PDE1A: variants seen among roughly 807,000 people sequenced by gnomAD.
The protein encoded by PDE1A is dual specificity calcium/calmodulin-dependent 3',5'-cyclic nucleotide phosphodiesterase 1A.
PDE1A carries 35 observed loss-of-function variants against 61.7 expected under a neutral mutation model. That is an observed-to-expected ratio of 0.57 (90% CI 0.43 to 0.75). PDE1A has a LOEUF of 0.75. PDE1A is among the 30% of genes least tolerant of loss of function. PDE1A has a pLI of 0.00. For synonymous variants in PDE1A, 232 were observed against 213.2 expected, an observed-to-expected ratio of 1.09 and a Z score of -0.77; for missense variants, 597 against 630.6, an observed-to-expected ratio of 0.95 and a Z score of 0.57.
chr2:182,377,064 C>T (rs1452421357), intron 1 of PDE1A, among the ~76,000 whole-genome samples: 3 of 152,118 alleles, frequency 2.0e-5, no homozygotes, highest in African/African-American at 7.2e-5. Flanking sequence ...TAGAGCCAAA[C>T]CATATCAACT....
At chr2:182,690,029 C>T in the PDE1A span, among the ~76,000 whole-genome samples, 1 of 152,076 alleles carries the variant, frequency 6.6e-6, no homozygotes, top group Non-Finnish European at 1.5e-5. Flanking sequence ...GAAATTGAGG[C>T]AATAATTAAC....
At chr2:182,168,737 CTG>C (rs1691842195) in intron 13 of PDE1A, among the ~76,000 whole-genome samples, 2 of 152,050 alleles carry the variant, frequency 1.3e-5, no homozygotes, top group Non-Finnish European at 2.9e-5. Context: ...GATATTCTAT[CTG>C]TGATTTATTT....
the PDE1A span, among the ~76,000 whole-genome samples, chr2:182,565,633 C>A: frequency 1.3e-5 from 2 of 152,132 alleles, no homozygotes; most frequent in African/African-American, 4.8e-5. Context: ...CTGGTTGAAC[C>A]ACTGGTGATG....
intron 8 of PDE1A, among the ~76,000 whole-genome samples, chr2:182,204,350 G>C (rs1574680719): frequency 6.6e-6 from 1 of 152,182 alleles, no homozygotes; most frequent in African/African-American, 2.4e-5. Context: ...TTTCTAGACT[G>C]TAAATCCTCT....
intron 1 of PDE1A, among the ~76,000 whole-genome samples, chr2:182,364,484 A>AAAAC (rs1287867921): frequency 1.4e-5 from 2 of 146,992 alleles, no homozygotes; most frequent in Non-Finnish European, 3.0e-5. Context: ...AAAAAAAAAA[A>AAAAC]AAAAAAAAAA....
At chr2:182,188,244 T>C (rs1362524810) in intron 11 of PDE1A, among the ~76,000 whole-genome samples, 1 of 152,100 alleles carries the variant, frequency 6.6e-6, no homozygotes, top group Middle Eastern at 3.2e-3. Context: ...AAAACAGCTG[T>C]TGAAACTTGG....
At chr2:182,161,007 C>A (rs780621682) in intron 13 of PDE1A, among the ~76,000 whole-genome samples, 1 of 152,170 alleles carries the variant, frequency 6.6e-6, no homozygotes, top group Non-Finnish European at 1.5e-5. Flanking sequence ...TCACCACTTT[C>A]AGGAGGTAAG....
the PDE1A span, among the ~76,000 whole-genome samples, chr2:182,535,553 T>C: frequency 6.6e-6 from 1 of 152,158 alleles, no homozygotes; most frequent in Non-Finnish European, 1.5e-5. Context: ...TTGAATTTAA[T>C]TTTTAGTTAA....
Position 182,168,293 on chromosome 2 carries a change from GA to G in PDE1A, c.1517-4del, listed in dbSNP as rs78156757. The G allele has an allele frequency of 0.22, 274,355 of 1,237,142 alleles. 9,951 individuals carry two copies. Among genetic ancestry groups the G allele is most frequent in the East Asian group, 0.35 (12,361 of 35,718 alleles). 76.6% of individuals were successfully genotyped at this position (1,237,142 alleles called of 1,614,324 possible). A position where few individuals can be genotyped will look rare whatever the true frequency, so the allele number is the denominator to read the frequency against. On this transcript the variant is annotated splice_polypyrimidine_tract_variant and splice_region_variant and intron_variant, in intron 13 of 13. Coordinates refer to ENST00000351439, the Ensembl canonical transcript of PDE1A. The stretch of plus-strand genomic sequence containing the variant: ...CTTCTGTGAACTGGTTCTTGCTTCT[GA>G]AAAAAAAAAAAGCGTACTTATTTTA...
chr2:182,432,188 T>C (rs1255548041), intron 2 of PDE1A, among the ~76,000 whole-genome samples: 1 of 152,098 alleles, frequency 6.6e-6, no homozygotes, highest in African/African-American at 2.4e-5. Flanking sequence ...TAAGATCCTT[T>C]CCAGCTCTAA....
At chr2:182,316,533 A>G (rs1469537785) in intron 1 of PDE1A, among the ~76,000 whole-genome samples, 2 of 152,226 alleles carry the variant, frequency 1.3e-5, no homozygotes, top group Non-Finnish European at 2.9e-5. Context: ...TCATAGTGTT[A>G]AGAATGAATT....
At chr2:182,454,208 C>T (rs1403044354) in intron 2 of PDE1A, among the ~76,000 whole-genome samples, 1 of 152,114 alleles carries the variant, frequency 6.6e-6, no homozygotes, top group Non-Finnish European at 1.5e-5. Flanking sequence ...ATCCAGCTTA[C>T]AAGGGATGTG....
chr2:182,431,165 TC>T (rs1703932642), upstream of PDE1A, among the ~76,000 whole-genome samples: 1 of 150,714 alleles, frequency 6.6e-6, no homozygotes, highest in Non-Finnish European at 1.5e-5. Context: ...CTTTTACTCT[TC>T]CTTCTCTACC....
At chr2:182,675,498 T>A in the PDE1A span, among the ~76,000 whole-genome samples, 2 of 152,192 alleles carry the variant, frequency 1.3e-5, no homozygotes, top group East Asian at 3.8e-4. Flanking sequence ...GGTCAAATGG[T>A]AGTTCTGTTT....
At chr2:182,640,274 C>G in the PDE1A span, among the ~76,000 whole-genome samples, 1 of 152,148 alleles carries the variant, frequency 6.6e-6, no homozygotes, top group Non-Finnish European at 1.5e-5. Flanking sequence ...AAAACTGCAG[C>G]AAAGAGACCA....
intron 13 of PDE1A, among the ~76,000 whole-genome samples, chr2:182,171,300 T>C (rs1692191302): frequency 6.6e-6 from 1 of 151,928 alleles, no homozygotes; most frequent in African/African-American, 2.4e-5. Context: ...AAATTGAAAA[T>C]AACAGACAAA....
At chr2:182,442,198 T>C (rs1684841095) in intron 2 of PDE1A, among the ~76,000 whole-genome samples, 1 of 152,058 alleles carries the variant, frequency 6.6e-6, no homozygotes, top group Non-Finnish European at 1.5e-5. Context: ...ACAAATCTAC[T>C]CATTTTTGTA....
the PDE1A span, among the ~76,000 whole-genome samples, chr2:182,674,427 A>G: frequency 1.3e-5 from 2 of 152,148 alleles, no homozygotes; most frequent in Non-Finnish European, 2.9e-5. Context: ...TTCTTACCTT[A>G]AATTTATAAT....
At chr2:182,416,594 G>A (rs1444066920) in intron 1 of PDE1A, among the ~76,000 whole-genome samples, 1 of 152,094 alleles carries the variant, frequency 6.6e-6, no homozygotes, top group South Asian at 2.1e-4. Flanking sequence ...CTATGGAGAA[G>A]TTTCTTGAGG....
Sources: allele counts gnomAD v4.1 joint callset (sites outside exome capture counted in the v4.1 genomes callset), GRCh38; gene constraint gnomAD v4.1.1; transcripts MANE v1.5; gene names NCBI Gene and HGNC (gene_info 2026-07-23, HGNC 2026-07-21).